FARP1: variants seen among roughly 807,000 people sequenced by gnomAD.
FARP1 encodes FERM, ARHGEF and pleckstrin domain-containing protein 1.
A neutral mutation model predicts 128.8 loss-of-function variants in FARP1; 52 were observed. That is an observed-to-expected ratio of 0.40 (90% CI 0.32 to 0.51). FARP1 has a LOEUF of 0.51. Ranked by LOEUF, FARP1 falls within the 20% of genes least tolerant of loss-of-function variation. The pLI, the probability that FARP1 is intolerant of heterozygous loss-of-function variation, is 0.45. For synonymous variants in FARP1, 580 were observed against 551.8 expected, an observed-to-expected ratio of 1.05 and a Z score of -0.72; for missense variants, 1,333 against 1,367.9, an observed-to-expected ratio of 0.97 and a Z score of 0.40.
At chr13:98,358,383 C>G (rs1594441494) in intron 3 of FARP1, among the ~76,000 whole-genome samples, 1 of 151,974 alleles carries the variant, frequency 6.6e-6, no homozygotes, top group South Asian at 2.1e-4. Flanking sequence ...GCTTGGTGTA[C>G]CATGTTTTCA....
chr13:98,448,350 T>C lies in FARP1; in HGVS notation c.*33T>C, dbSNP rs149306970. 5.2e-5 allele frequency: 78 copies of C among 1,509,434 alleles called. No homozygotes were observed. In the Middle Eastern group the frequency reaches 1.4e-3, roughly 27 times the overall value. 93.5% of individuals were successfully genotyped at this position (1,509,434 alleles called of 1,614,324 possible). A position where few individuals can be genotyped will look rare whatever the true frequency, so the allele number is the denominator to read the frequency against. On this transcript the variant is annotated 3_prime_UTR_variant, in exon 27 of 27. Coordinates refer to ENST00000319562, the MANE Select transcript of FARP1 (RefSeq NM_005766.4). ...ACACACTCGTTTCCGCAGTGGCTGC[T>C]TTCCTGGAAGACGTTTCCTTTCTTC...
At chr13:98,411,863 T>A in intron 15 of FARP1, 38 bp from the exon 16 acceptor site, 1 of 1,605,558 alleles carries the variant, frequency 6.2e-7, no homozygotes, top group Non-Finnish European at 8.5e-7. Flanking sequence ...TCGTCATTGA[T>A]CTTTCCACCC....
chr13:98,264,756 G>C (rs900213360), intron 2 of FARP1, among the ~76,000 whole-genome samples: 2 of 152,192 alleles, frequency 1.3e-5, no homozygotes, highest in Non-Finnish European at 2.9e-5. Context: ...CTATTCAATA[G>C]TAGGAATTTT....
At chr13:98,229,375 C>T (rs1475497422) in intron 2 of FARP1, among the ~76,000 whole-genome samples, 1 of 152,108 alleles carries the variant, frequency 6.6e-6, no homozygotes, top group Non-Finnish European at 1.5e-5. Context: ...GGTAAATTTC[C>T]CCATTATGAA....
intron 18 of FARP1, 82 bp downstream of exon 18, chr13:98,431,362 G>A (rs1414854559): frequency 2.2e-6 from 2 of 920,644 alleles, no homozygotes; most frequent in Non-Finnish European, 3.2e-6. Context: ...AGCCAGGGAG[G>A]GGCTCCCCGG....
Position 98,377,926 on chromosome 13 carries a change from C to T in FARP1, c.496+8C>T, listed in dbSNP as rs1326251907. 1.3e-6 allele frequency: 2 copies of T among 1,585,812 alleles called. No individual in the cohort carries two copies. The highest frequency in any genetic ancestry group is 1.7e-6 in the Non-Finnish European group (2 of 1,154,624). On this transcript the variant is annotated splice_region_variant and intron_variant, in intron 6 of 26. Transcript: ENST00000319562. ...TTTCACACATTGTGCAATGTAAGTTCTATTGGTTTCCTTTGAAAATCATGT... is the reference window on the plus strand; with the variant it reads ...TTTCACACATTGTGCAATGTAAGTTTTATTGGTTTCCTTTGAAAATCATGT...
chr13:98,432,259 T>C (rs9556956), intron 18 of FARP1: 8,726 of 152,386 alleles, frequency 0.057, 337 homozygotes, highest in East Asian at 0.17. Context: ...CCAGGTGCTG[T>C]GTACCTGATA....
chr13:98,326,432 T>G (rs966615093), intron 2 of FARP1, among the ~76,000 whole-genome samples: 11 of 152,240 alleles, frequency 7.2e-5, no homozygotes, highest in African/African-American at 2.2e-4. Flanking sequence ...TCCTGCAATC[T>G]GAAACCCTAT....
chr13:98,220,038 ATT>A lies in FARP1; in HGVS notation c.171+6636_171+6637del, dbSNP rs11335167. 1.7e-3 allele frequency among the ~76,000 whole-genome samples: 246 copies of A among 148,706 alleles called. 3 individuals are homozygous for A. Among genetic ancestry groups the A allele is most frequent in the East Asian group, 0.013 (64 of 5,078 alleles). ...CCCTTTTTGGTAAGCTGAAGAAAGT[ATT>A]TTTTTTTTTTCTTTTTCTTTTTCTC... On this transcript the variant is annotated intron_variant, in intron 2 of 26. Coordinates refer to ENST00000319562, the MANE Select transcript of FARP1 (RefSeq NM_005766.4).
chr13:98,151,658 A>ATTTTTTTTTTTTTTTTTTTT (rs1197060435), intron 1 of FARP1, among the ~76,000 whole-genome samples: 1 of 24,176 alleles, frequency 4.1e-5, no homozygotes, highest in Non-Finnish European at 1.7e-4. Context: ...TATATCTTCC[A>ATTTTTTTTTTTTTTTTTTTT]TCTTTTTTTT....
chr13:98,196,670 G>T (rs1879584799), intron 1 of FARP1, among the ~76,000 whole-genome samples: 1 of 152,132 alleles, frequency 6.6e-6, no homozygotes, highest in Admixed American at 6.5e-5. Flanking sequence ...TTTTCTCTTT[G>T]TCATGCTGCA....
Position 98,448,623 on chromosome 13 carries a change from T to C in FARP1, c.*306T>C, listed in dbSNP as rs1319170811. The C allele has an allele frequency of 2.9e-6, 1 of 339,578 alleles. No homozygotes were observed. The highest frequency in any genetic ancestry group is 4.6e-5 in the Admixed American group (1 of 21,714). 21.0% of individuals were successfully genotyped at this position (339,578 alleles called of 1,614,324 possible). A position where few individuals can be genotyped will look rare whatever the true frequency, so the allele number is the denominator to read the frequency against. ...CCTCCACCCTGCCCCTGAAAAACAG[T>C]ACACACACATCCGTTCAACACAAGA... On this transcript the variant is annotated 3_prime_UTR_variant, in exon 27 of 27. Transcript: ENST00000319562.
intron 2 of FARP1, among the ~76,000 whole-genome samples, chr13:98,285,541 T>A (rs574957079): frequency 6.6e-6 from 1 of 152,334 alleles, no homozygotes; most frequent in African/African-American, 2.4e-5. Flanking sequence ...ATCTGCTGCC[T>A]TGTCTCACAG....
At chr13:98,395,001 T>C (rs1384781910) in intron 12 of FARP1, among the ~76,000 whole-genome samples, 2 of 152,108 alleles carry the variant, frequency 1.3e-5, no homozygotes, top group African/African-American at 2.4e-5. Context: ...GGGCCGGGCT[T>C]GTGCTGCCGG....
chr13:98,311,817 C>T (rs566319463), intron 2 of FARP1, among the ~76,000 whole-genome samples: 1 of 151,040 alleles, frequency 6.6e-6, no homozygotes, highest in East Asian at 2.0e-4. Context: ...AACTGCTGTT[C>T]TTTTATTTCG....
chr13:98,203,038 A>C (rs1295363940), intron 1 of FARP1, among the ~76,000 whole-genome samples: 2 of 152,182 alleles, frequency 1.3e-5, no homozygotes, highest in Non-Finnish European at 1.5e-5. Context: ...TTCTTAATTA[A>C]ACATATAGGT....
In FARP1 at chr13:98,411,963, C is replaced by G; in HGVS notation, c.1755C>G (p.Phe585Leu). Residue 585 changes from phenylalanine (F) to leucine (L), a missense_variant, in exon 16 of 27, where the codon TTC becomes TTG. Coordinates refer to ENST00000319562, the MANE Select transcript of FARP1 (RefSeq NM_005766.4). ...CGGAAGCACTGAAAAGTCTCATATT[C>G]CCGAATTTTGAACCTTTGCACAAAT... ...AMPEALKSLI[F>L]PNFEPLHKFH... is the part of the protein sequence containing the mutation. The G allele has an allele frequency of 1.2e-6, 2 of 1,613,922 alleles. No homozygotes were observed. The highest frequency in any genetic ancestry group is 1.7e-6 in the Non-Finnish European group (2 of 1,179,800).
intron 2 of FARP1, among the ~76,000 whole-genome samples, chr13:98,336,939 T>G (rs1887769368): frequency 6.6e-6 from 1 of 152,190 alleles, no homozygotes; most frequent in South Asian, 2.1e-4. Flanking sequence ...AGTGACTGTT[T>G]GGCCTCTTAT....
At chr13:98,142,941 GGCGGA>G (rs1215948351), upstream of FARP1, among the ~76,000 whole-genome samples, 2 of 150,782 alleles carry the variant, frequency 1.3e-5, no homozygotes, top group Non-Finnish European at 3.0e-5. Context: ...CACCTGCCCG[GGCGGA>G]GCGGAGCGGG....
Sources: gnomAD v4.1 joint callset for allele counts (sites outside exome capture counted in the v4.1 genomes callset) on GRCh38, gnomAD v4.1.1 for gene constraint, MANE v1.5 for transcripts, NCBI Gene and HGNC (gene_info 2026-07-23, HGNC 2026-07-21) for gene names.